FAAH2: variants seen among roughly 807,000 people sequenced by gnomAD.
FAAH2 encodes fatty-acid amide hydrolase 2.
Under a neutral mutation model 36.9 loss-of-function variants are expected in FAAH2, and 60 were observed. That is an observed-to-expected ratio of 1.63 (90% CI 1.32 to 2.02). The LOEUF is 2.02. Among genes scored for constraint, FAAH2 ranks in the 30% most tolerant of loss-of-function variants. The pLI is 0.00. For missense variants in FAAH2, 689 were observed against 397.5 expected, an observed-to-expected ratio of 1.73 and a Z score of -6.23; for synonymous variants, 214 against 143.8, an observed-to-expected ratio of 1.49 and a Z score of -3.49.
At chrX:57,275,636 G>T in the FAAH2 span, among the ~76,000 whole-genome samples, 2 of 112,007 alleles carry the variant, frequency 1.8e-5, no homozygotes, top group Admixed American at 1.9e-4. Flanking sequence ...TGGCAAATTG[G>T]ATAGAGTCGA....
chrX:57,124,836 A>T, the FAAH2 span, among the ~76,000 whole-genome samples: 59 of 111,861 alleles, frequency 5.3e-4, no homozygotes, highest in African/African-American at 1.9e-3. Context: ...AATGCTTGTG[A>T]TTTTTGCACA....
intron 10 of FAAH2, among the ~76,000 whole-genome samples, chrX:57,451,804 A>T (rs1028631175): frequency 8.9e-6 from 1 of 111,853 alleles, no homozygotes; most frequent in Non-Finnish European, 1.9e-5. Flanking sequence ...AAAAAAATTT[A>T]TTTGTCTTGG....
At chrX:57,468,789 A>G (rs765478528) in intron 10 of FAAH2, among the ~76,000 whole-genome samples, 4 of 111,541 alleles carry the variant, frequency 3.6e-5, no homozygotes, top group South Asian at 3.8e-4. Flanking sequence ...TCCAAGACAC[A>G]TAATTGTCAG....
Position 57,426,088 on chromosome X carries a change from C to T in FAAH2, c.997-5830C>T, listed in dbSNP as rs758014685. 4.5e-5 allele frequency among the ~76,000 whole-genome samples: 5 copies of T among 111,787 alleles called. No individual in the cohort carries two copies. In the South Asian group the frequency reaches 1.8e-3, roughly 41 times the overall value. On this transcript the variant is annotated intron_variant, in intron 7 of 10. Coordinates refer to ENST00000374900, the MANE Select transcript of FAAH2 (RefSeq NM_174912.4). ...AACTGGCTTTTGTAATAAGGTGATA[C>T]TGACATCATAGAATGAGATAGAAAT...
At chrX:57,299,889 C>A (rs1406490989) in intron 2 of FAAH2, among the ~76,000 whole-genome samples, 1 of 111,127 alleles carries the variant, frequency 9.0e-6, no homozygotes. Context: ...CCTAGGAGTC[C>A]AACTTACAAG....
At chrX:57,442,473 T>C (rs1348961646) in intron 8 of FAAH2, among the ~76,000 whole-genome samples, 58 of 111,392 alleles carry the variant, frequency 5.2e-4, no homozygotes, top group Non-Finnish European at 9.4e-4. Flanking sequence ...TAGATCTTCC[T>C]CCATCCCTTT....
chrX:57,395,195 G>A (rs1200089372), intron 7 of FAAH2: 15 of 536,202 alleles, frequency 2.8e-5, no homozygotes, highest in Non-Finnish European at 4.8e-5. Context: ...GTTGTTCTTG[G>A]TAACTTAATG....
chrX:57,274,517 G>T, the FAAH2 span, among the ~76,000 whole-genome samples: 1 of 112,044 alleles, frequency 8.9e-6, no homozygotes, highest in Non-Finnish European at 1.9e-5. Flanking sequence ...TAAAATACTA[G>T]CAAACTGAAT....
At chrX:57,396,713 T>G (rs1360247211) in intron 7 of FAAH2, among the ~76,000 whole-genome samples, 2 of 112,122 alleles carry the variant, frequency 1.8e-5, no homozygotes, top group African/African-American at 6.5e-5. Context: ...ATATAATTAT[T>G]ATTTTTTCAA....
At chrX:57,346,951 T>C (rs1341844318) in intron 5 of FAAH2, among the ~76,000 whole-genome samples, 1 of 111,446 alleles carries the variant, frequency 9.0e-6, no homozygotes, top group Non-Finnish European at 1.9e-5. Flanking sequence ...GATGGAGTTC[T>C]CTTTGAAAGT....
chrX:57,408,878 T>G (rs2055632334), intron 7 of FAAH2, among the ~76,000 whole-genome samples: 1 of 111,861 alleles, frequency 8.9e-6, no homozygotes, highest in Non-Finnish European at 1.9e-5. Context: ...TTTATTGATT[T>G]TCATATACAG....
chrX:57,394,762 AG>A (rs2055252466), intron 7 of FAAH2: 2 of 914,498 alleles, frequency 2.2e-6, no homozygotes, highest in South Asian at 3.9e-5. Context: ...TAACCATTTC[AG>A]GCCGACCAGT....
chrX:57,233,993 G>A, the FAAH2 span, among the ~76,000 whole-genome samples: 1 of 112,368 alleles, frequency 8.9e-6, no homozygotes, highest in Admixed American at 9.4e-5. Flanking sequence ...CTCCAGTGTG[G>A]GGTTGCTAGG....
intron 8 of FAAH2, among the ~76,000 whole-genome samples, chrX:57,444,288 C>G (rs2056625950): frequency 8.9e-6 from 1 of 112,027 alleles, no homozygotes; most frequent in African/African-American, 3.2e-5. Context: ...TTTTGTTTAC[C>G]TAGTCAAGCC....
At chrX:57,314,600 T>G (rs139388992) in intron 3 of FAAH2, among the ~76,000 whole-genome samples, 1 of 111,095 alleles carries the variant, frequency 9.0e-6, no homozygotes, top group Non-Finnish European at 1.9e-5. Context: ...ACATGGAAAC[T>G]AAACAACTTT....
the FAAH2 span, among the ~76,000 whole-genome samples, chrX:57,218,726 G>A: frequency 1.8e-5 from 2 of 111,704 alleles, no homozygotes; most frequent in African/African-American, 6.5e-5. Context: ...AATGAATTAG[G>A]GAGGGTTCCT....
intron 1 of FAAH2, among the ~76,000 whole-genome samples, chrX:57,287,495 A>G (rs966990036): frequency 3.6e-5 from 4 of 111,972 alleles, no homozygotes; most frequent in Non-Finnish European, 7.5e-5. Context: ...TGCGTCTACC[A>G]TATATTTATT....
the FAAH2 span, among the ~76,000 whole-genome samples, chrX:57,274,003 T>G: frequency 9.1e-6 from 1 of 110,481 alleles, no homozygotes; most frequent in Admixed American, 9.6e-5. Context: ...ACAAAATAGA[T>G]AGACTGCTAG....
rs755346100 is a variant in FAAH2, at chrX:57,488,967, T to G, written c.*35T>G. The stretch of plus-strand genomic sequence containing the variant: ...CTGCAAGGTTAATGTGTGTGTGTGT[T>G]TGTGTTCGTGTGGTGGTGTTTCTAT... On this transcript the variant is annotated 3_prime_UTR_variant, in exon 11 of 11. Transcript: ENST00000374900. 11 of 1,157,340 alleles carry G rather than the reference T, an allele frequency of 9.5e-6. No homozygotes were observed. Among genetic ancestry groups the G allele is most frequent in the African/African-American group, 9.0e-5 (5 of 55,366 alleles).
Sources: allele counts gnomAD v4.1 joint callset (sites outside exome capture counted in the v4.1 genomes callset), GRCh38; gene constraint gnomAD v4.1.1; transcripts MANE v1.5; gene names NCBI Gene and HGNC (gene_info 2026-07-23, HGNC 2026-07-21).